Variants in DNAH11 observed in about 807,000 individuals in gnomAD.
DNAH11 encodes the protein axonemal beta dynein heavy chain 11.
In DNAH11, 442 loss-of-function variants were observed where a neutral mutation model predicts 526.0. That is an observed-to-expected ratio of 0.84 (90% CI 0.78 to 0.91). The LOEUF is 0.91. Ranked by LOEUF, DNAH11 falls within the 40% of genes least tolerant of loss-of-function variation. The pLI is 0.00. For synonymous variants in DNAH11, 2,461 were observed against 1,935.9 expected, an observed-to-expected ratio of 1.27 and a Z score of -7.12; for missense variants, 6,989 against 5,448.7, an observed-to-expected ratio of 1.28 and a Z score of -8.90.
rs2906685 is a variant in DNAH11 at position 21,739,128 on chromosome 7, C to G, written c.7811+262C>G. Among the ~76,000 whole-genome samples, 106,966 of 151,976 alleles carry G rather than the reference C, an allele frequency of 0.7. 37,983 individuals are homozygous for G. The highest frequency in any genetic ancestry group is 0.75 in the Non-Finnish European group (51,254 of 67,970). ...AGTGTCTCAGAAATGTTAAGACTGT[C>G]CGGAAATCATGTCCTCTTTAAGAAT... is the stretch of plus-strand genomic sequence containing the variant. On this transcript the variant is annotated intron_variant, in intron 47 of 81. Transcript: ENST00000409508.
At chr7:21,812,506 G>GAAAA (rs34549797) in intron 63 of DNAH11, among the ~76,000 whole-genome samples, 1 of 58,916 alleles carries the variant, frequency 1.7e-5, no homozygotes, top group Non-Finnish European at 3.2e-5. Flanking sequence ...CTATCTATAT[G>GAAAA]AAAAAAAAAT....
chr7:21,690,042 C>T lies in DNAH11; in HGVS notation c.5925-723C>T, dbSNP rs73273585. Among the ~76,000 whole-genome samples, 74 of 152,324 alleles carry T rather than the reference C, an allele frequency of 4.9e-4. 1 individual carries two copies. Among genetic ancestry groups the T allele is most frequent in the African/African-American group, 1.8e-3 (73 of 41,570 alleles). On this transcript the variant is annotated intron_variant, in intron 34 of 81. Coordinates refer to ENST00000409508, the MANE Select transcript of DNAH11 (RefSeq NM_001277115.2). ...CAGTGCCTTTAAGTGACAGTAATAG[C>T]ATTAGTCATAGCTAACATCTCTTGA...
chr7:21,730,942 G>A (rs560795721), intron 45 of DNAH11, among the ~76,000 whole-genome samples: 16 of 152,078 alleles, frequency 1.1e-4, no homozygotes, highest in Admixed American at 1.0e-3. Flanking sequence ...TCAGGAGTTC[G>A]AGACCAACCT....
intron 1 of DNAH11, 152 bp downstream of exon 1, chr7:21,543,748 C>T (rs1025065480): frequency 1.3e-6 from 1 of 749,000 alleles, no homozygotes; most frequent in African/African-American, 1.8e-5. Flanking sequence ...CGCAGGACTC[C>T]TCCCCACGTG....
In DNAH11 at chr7:21,720,734, G is replaced by A. The variant is rs756010097; in HGVS notation, c.7144G>A (p.Val2382Ile). 14 of 1,573,342 alleles carry A rather than the reference G, an allele frequency of 8.9e-6. No individual in the cohort carries two copies. The African/African-American group carries it at 1.3e-4, about 15-fold the overall frequency. ...PESSLVQTLC[V>I]LLECLLTPEN... is the part of the protein sequence containing the mutation. ...ATTTCTTTTTCTTTAGACTCTATGT[G>A]TTCTTTTGGAGTGCTTGCTGACTCC... is the stretch of plus-strand genomic sequence containing the variant. The change falls in exon 44 of 82, where the codon GTT becomes ATT. Residue 2382 changes from valine to isoleucine, a missense_variant. Val to Ile is a conservative substitution (Grantham distance 29). Coordinates refer to ENST00000409508, the MANE Select transcript of DNAH11 (RefSeq NM_001277115.2).
chr7:21,698,107 T>C lies in DNAH11; in HGVS notation c.6074T>C (p.Leu2025Pro). Residue 2025 changes from leucine (L) to proline (P), a missense_variant, in exon 36 of 82, where the codon CTA (leucine) becomes CCA (proline). Transcript: ENST00000409508. ...PCAMVAPDIE[L>P]ICEILLVAEG... The stretch of plus-strand genomic sequence containing the variant: ...GCCATGGTGGCCCCTGACATTGAGC[T>C]AATCTGTGAAATCTTGTTAGTTGCT... The C allele has an allele frequency of 6.2e-7, 1 of 1,613,530 alleles. No homozygotes were observed.
chr7:21,578,720 A>G (rs527250318), intron 8 of DNAH11, among the ~76,000 whole-genome samples: 8 of 152,298 alleles, frequency 5.3e-5, no homozygotes, highest in Non-Finnish European at 1.2e-4. Context: ...GTTTCCATAC[A>G]TTCTCTGAAA....
chr7:21,730,824 A>T (rs1027989827), intron 45 of DNAH11, among the ~76,000 whole-genome samples: 1 of 152,102 alleles, frequency 6.6e-6, no homozygotes, highest in African/African-American at 2.4e-5. Flanking sequence ...TAAGAGAAAA[A>T]ATTGTAAGTA....
chr7:21,564,046 A>ACGCCG, intron 5 of DNAH11, 140 bp from the exon 6 acceptor site: 1 of 557,360 alleles, frequency 1.8e-6, no homozygotes, highest in Non-Finnish European at 3.0e-6. Context: ...AGATTGTAGG[A>ACGCCG]TAAGTAATAT....
intron 61 of DNAH11, among the ~76,000 whole-genome samples, chr7:21,798,446 T>C (rs1307043030): frequency 1.3e-5 from 2 of 152,204 alleles, no homozygotes; most frequent in African/African-American, 2.4e-5. Flanking sequence ...CTATACAGTA[T>C]ACCATGTGTG....
At chr7:21,742,404 A>C (rs544730316) in intron 49 of DNAH11, among the ~76,000 whole-genome samples, 1 of 152,258 alleles carries the variant, frequency 6.6e-6, no homozygotes, top group East Asian at 1.9e-4. Flanking sequence ...CCAGCATTTC[A>C]CATTTTGCAT....
intron 2 of DNAH11, among the ~76,000 whole-genome samples, chr7:21,554,006 C>G (rs1049398551): frequency 6.6e-6 from 1 of 152,024 alleles, no homozygotes. Context: ...GGAGTATTTT[C>G]TTAACTAGTC....
chr7:21,710,458 AAAATCGTTTTTATTT>A (rs1050799561), intron 40 of DNAH11, 80 bp from the exon 41 acceptor site: 36 of 1,166,664 alleles, frequency 3.1e-5, no homozygotes, highest in Admixed American at 1.7e-4. Flanking sequence ...AAGAGGCAGC[AAAATCGTTTTTATTT>A]AGTTAATAAA....
chr7:21,803,234 T>C (rs748314033), intron 62 of DNAH11, among the ~76,000 whole-genome samples: 74 of 152,160 alleles, frequency 4.9e-4, no homozygotes, highest in Non-Finnish European at 1.2e-4. Context: ...TAGAAAACTT[T>C]TACAGTGGCT....
intron 74 of DNAH11, among the ~76,000 whole-genome samples, chr7:21,876,328 A>G (rs1425449848): frequency 1.3e-5 from 2 of 152,364 alleles, no homozygotes; most frequent in East Asian, 1.9e-4. Context: ...GCCAACCAAC[A>G]AAATAAAAAA....
intron 30 of DNAH11, among the ~76,000 whole-genome samples, chr7:21,665,105 C>G (rs1011469363): frequency 6.6e-6 from 1 of 152,008 alleles, no homozygotes; most frequent in Non-Finnish European, 1.5e-5. Flanking sequence ...CTCTCACTCT[C>G]TCTTCCCCTT....
intron 28 of DNAH11, among the ~76,000 whole-genome samples, chr7:21,647,415 A>ATTTC (rs1220005032): frequency 4.1e-4 from 59 of 142,338 alleles, no homozygotes; most frequent in East Asian, 1.0e-3. Context: ...TGGAGTAGCA[A>ATTTC]TTTCTTTCTT....
rs1203566996 is a variant in DNAH11, at chr7:21,559,014, A to T, written c.692+16A>T. On this transcript the variant is annotated intron_variant, in intron 3 of 81. Transcript: ENST00000409508. ...CAGAGAACAAGTACGTAACAGTACA[A>T]TATATACAGGATATTAAAGTAGAGA... The T allele has an allele frequency of 9.0e-6, 14 of 1,555,510 alleles. No homozygotes were observed. The highest frequency in any genetic ancestry group is 1.2e-5 in the Non-Finnish European group (14 of 1,148,058).
intron 2 of DNAH11, among the ~76,000 whole-genome samples, chr7:21,552,617 G>C (rs1267447430): frequency 6.6e-6 from 1 of 152,142 alleles, no homozygotes; most frequent in Admixed American, 6.5e-5. Context: ...TAACAACTGG[G>C]TTCCCCTGGA....
Sources: gnomAD v4.1 joint callset for allele counts (sites outside exome capture counted in the v4.1 genomes callset) on GRCh38, gnomAD v4.1.1 for gene constraint, MANE v1.5 for transcripts, NCBI Gene and HGNC (gene_info 2026-07-23, HGNC 2026-07-21) for gene names.